MYO5B: variants seen among roughly 807,000 people sequenced by gnomAD.
MYO5B encodes myosin VB.
Under a neutral mutation model 229.3 loss-of-function variants are expected in MYO5B, and 143 were observed. The observed-to-expected ratio is 0.62, with a 90% CI of 0.54 to 0.72. The LOEUF (loss-of-function observed/expected upper bound fraction) is 0.72. Ranked by LOEUF, MYO5B falls within the 30% of genes least tolerant of loss-of-function variation. The pLI is 0.00. For missense variants in MYO5B, 2,321 were observed against 2,331.0 expected (o/e 1.00, Z 0.09); for synonymous variants, 918 against 885.2 (o/e 1.04, Z -0.66).
intron 1 of MYO5B, among the ~76,000 whole-genome samples, chr18:50,093,978 C>CA (rs1227217719): frequency 2.0e-5 from 3 of 152,128 alleles, no homozygotes; most frequent in Non-Finnish European, 4.4e-5. Flanking sequence ...TAAAAATGGC[C>CA]AACCAGCAGC....
chr18:49,843,170 G>A, intron 34 of MYO5B, 71 bp downstream of exon 34: 1 of 1,594,204 alleles, frequency 6.3e-7, no homozygotes, highest in Non-Finnish European at 8.6e-7. Flanking sequence ...CCCAGACACA[G>A]AGAAGCAACA....
intron 5 of MYO5B, among the ~76,000 whole-genome samples, chr18:49,994,966 T>C (rs2025971577): frequency 6.6e-6 from 1 of 152,204 alleles, no homozygotes; most frequent in Non-Finnish European, 1.5e-5. Context: ...AAGATAGGCA[T>C]TACTAACTTT....
intron 17 of MYO5B, among the ~76,000 whole-genome samples, chr18:49,921,272 T>C (rs962188622): frequency 1.3e-5 from 2 of 150,508 alleles, no homozygotes; most frequent in Non-Finnish European, 3.0e-5. Flanking sequence ...TTTTTTTTTT[T>C]TTTTTTATAA....
intron 1 of MYO5B, among the ~76,000 whole-genome samples, chr18:50,068,507 A>T (rs1449787681): frequency 6.6e-6 from 1 of 152,216 alleles, no homozygotes; most frequent in East Asian, 1.9e-4. Context: ...AAACTCCTCC[A>T]ACAAAGTTAA....
chr18:50,155,008 G>C (rs1342892218), intron 1 of MYO5B, among the ~76,000 whole-genome samples: 1 of 152,224 alleles, frequency 6.6e-6, no homozygotes, highest in Non-Finnish European at 1.5e-5. Flanking sequence ...CTTTAGAGCA[G>C]ACAAACCATC....
intron 1 of MYO5B, among the ~76,000 whole-genome samples, chr18:50,058,677 GGC>G: frequency 6.6e-6 from 1 of 152,108 alleles, no homozygotes; most frequent in Non-Finnish European, 1.5e-5. Context: ...CGGGCGTGGT[GGC>G]GGGTGCCTGT....
intron 26 of MYO5B, 44 bp from the exon 27 acceptor site, chr18:49,872,276 G>C: frequency 6.3e-7 from 1 of 1,594,544 alleles, no homozygotes; most frequent in Non-Finnish European, 8.6e-7. Context: ...CCTCGAGCAA[G>C]ATATTCCACA....
intron 4 of MYO5B, among the ~76,000 whole-genome samples, chr18:50,018,863 G>A (rs1568073022): frequency 6.6e-6 from 1 of 152,160 alleles, no homozygotes; most frequent in Non-Finnish European, 1.5e-5. Context: ...AGAATCACAA[G>A]AAAGAAGGGA....
chr18:49,954,290 G>A lies in MYO5B; in HGVS notation c.1668+23C>T, dbSNP rs1787299. On this transcript the variant is annotated intron_variant, in intron 13 of 39. Coordinates refer to ENST00000285039, the MANE Select transcript of MYO5B (RefSeq NM_001080467.3). Reference sequence around the variant, plus strand: ...TTAGAGAGGGGCCAAGGGAATACCCGAGCCAACAGAGAGGAGAGCCACCTT... The same window carrying A: ...TTAGAGAGGGGCCAAGGGAATACCCAAGCCAACAGAGAGGAGAGCCACCTT... 928,346 of 1,612,528 alleles carry A rather than the reference G, an allele frequency of 0.58. 270,970 individuals are homozygous for A. The highest frequency in any genetic ancestry group is 0.68 in the Middle Eastern group (4,128 of 6,054).
chr18:50,046,142 T>G (rs1449577639), intron 2 of MYO5B, among the ~76,000 whole-genome samples: 3 of 152,194 alleles, frequency 2.0e-5, no homozygotes, highest in Non-Finnish European at 4.4e-5. Context: ...TGGCAAGAAG[T>G]TGGTGTTGAC....
At chr18:49,953,208 A>G (rs2025448209) in intron 14 of MYO5B, 52 bp downstream of exon 14, 2 of 1,547,440 alleles carry the variant, frequency 1.3e-6, no homozygotes, top group Admixed American at 1.7e-5. Flanking sequence ...CTCCCTGTCC[A>G]GCACTGGCCG....
intron 27 of MYO5B, among the ~76,000 whole-genome samples, chr18:49,868,555 C>T (rs1225535083): frequency 1.3e-5 from 2 of 152,194 alleles, no homozygotes; most frequent in African/African-American, 2.4e-5. Context: ...TGCTGCTGGC[C>T]GTAAGCAGGG....
chr18:49,864,179 C>T lies in MYO5B; in HGVS notation c.3805G>A (p.Val1269Met). 6.2e-7 allele frequency: 1 copy of T among 1,612,358 alleles called. No individual in the cohort carries two copies. The highest frequency in any genetic ancestry group is 1.1e-5 in the South Asian group (1 of 91,084). Reference protein sequence around the residue: ...EEVLILRTQIVSADQRRLAGR... With the variant: ...EEVLILRTQIMSADQRRLAGR... ...GCGAGTCGCCGCTGGTCGGCGCTCA[C>T]GATCTGGGTCCTGAGGATGAGCACC... The change falls in exon 28 of 40, where the codon GTG (valine) becomes ATG (methionine). Residue 1269 changes from valine (V) to methionine (M), a missense_variant. Coordinates refer to ENST00000285039, the MANE Select transcript of MYO5B (RefSeq NM_001080467.3).
intron 1 of MYO5B, among the ~76,000 whole-genome samples, chr18:50,092,839 T>G (rs920786929): frequency 1.3e-5 from 2 of 152,202 alleles, no homozygotes; most frequent in African/African-American, 4.8e-5. Flanking sequence ...TCAAGAGTGT[T>G]AGACTCCAAA....
chr18:50,097,810 G>A (rs1039326959), intron 1 of MYO5B, among the ~76,000 whole-genome samples: 5 of 152,190 alleles, frequency 3.3e-5, no homozygotes, highest in African/African-American at 1.2e-4. Flanking sequence ...AGGTGCCAAA[G>A]GACCCACTGC....
chr18:50,049,152 T>G (rs950982358), intron 2 of MYO5B, among the ~76,000 whole-genome samples: 2 of 152,160 alleles, frequency 1.3e-5, no homozygotes, highest in African/African-American at 2.4e-5. Context: ...ATTCTTGAAA[T>G]TAAGTTTTTC....
chr18:49,927,128 A>C (rs1836153725), intron 17 of MYO5B, among the ~76,000 whole-genome samples: 1 of 152,188 alleles, frequency 6.6e-6, no homozygotes, highest in Non-Finnish European at 1.5e-5. Flanking sequence ...TAATACCACT[A>C]AACTGTACAC....
At chr18:50,040,898 T>G (rs915343621) in intron 2 of MYO5B, among the ~76,000 whole-genome samples, 1 of 152,142 alleles carries the variant, frequency 6.6e-6, no homozygotes, top group Non-Finnish European at 1.5e-5. Flanking sequence ...CATTTTAAGG[T>G]CAAATCTCAG....
intron 1 of MYO5B, among the ~76,000 whole-genome samples, chr18:50,056,794 A>C (rs1459867024): frequency 6.7e-6 from 1 of 149,198 alleles, no homozygotes; most frequent in East Asian, 2.0e-4. Context: ...CTCCTCCTAC[A>C]CTTGTCTCTA....
Sources: allele counts gnomAD v4.1 joint callset (sites outside exome capture counted in the v4.1 genomes callset), GRCh38; gene constraint gnomAD v4.1.1; transcripts MANE v1.5; gene names NCBI Gene and HGNC (gene_info 2026-07-23, HGNC 2026-07-21).